The following LIMCH1 variants were observed in gnomAD, a reference collection of about 807,000 sequenced individuals.
LIMCH1 encodes the protein LIM and calponin homology domains-containing protein 1.
Under a neutral mutation model 176.5 loss-of-function variants are expected in LIMCH1, and 113 were observed. That is an observed-to-expected ratio of 0.64 (90% CI 0.55 to 0.75). The LOEUF is 0.75. Among genes scored for constraint, LIMCH1 ranks in the 30% least tolerant of loss-of-function variants. LIMCH1 has a pLI of 0.00. For synonymous variants in LIMCH1, 619 were observed against 645.9 expected (o/e 0.96, Z 0.63); for missense variants, 1,674 against 1,814.9 (o/e 0.92, Z 1.41).
chr4:41,374,365 C>G (rs1025715991), intron 1 of LIMCH1, among the ~76,000 whole-genome samples: 5 of 152,110 alleles, frequency 3.3e-5, no homozygotes, highest in African/African-American at 1.2e-4. Context: ...AAGAGTGCTC[C>G]AGGCATCTCC....
At chr4:41,510,540 C>T (rs983185570) in intron 2 of LIMCH1, among the ~76,000 whole-genome samples, 2 of 152,076 alleles carry the variant, frequency 1.3e-5, no homozygotes, top group Admixed American at 6.5e-5. Context: ...TTTGGTTACT[C>T]GAAGGAGTGG....
At chr4:41,505,325 T>G (rs912367866) in intron 2 of LIMCH1, among the ~76,000 whole-genome samples, 7 of 152,172 alleles carry the variant, frequency 4.6e-5, no homozygotes, top group Admixed American at 3.9e-4. Flanking sequence ...TGCAACTCTG[T>G]GTCACTGTGC....
At chr4:41,623,523 C>T (rs984898738) in intron 7 of LIMCH1, among the ~76,000 whole-genome samples, 14 of 152,216 alleles carry the variant, frequency 9.2e-5, no homozygotes, top group Middle Eastern at 3.4e-3. Context: ...TTTGGCAGGC[C>T]GAGGCGGGCG....
chr4:41,401,529 T>C (rs367743947), intron 1 of LIMCH1, among the ~76,000 whole-genome samples: 7 of 152,152 alleles, frequency 4.6e-5, no homozygotes, highest in South Asian at 4.2e-4. Flanking sequence ...TTTTTTGGTT[T>C]CATATGAACT....
At position 41,620,408 on chromosome 4, in the gene LIMCH1, T is replaced by C; in HGVS notation, c.459-16T>C. ...CAGTCTGTTAGTTTGGTAAACCATATTGTCCAACTCACTAGCTTTCCTGAA... is the reference window on the plus strand; with the variant it reads ...CAGTCTGTTAGTTTGGTAAACCATACTGTCCAACTCACTAGCTTTCCTGAA... On this transcript the variant is annotated splice_polypyrimidine_tract_variant and intron_variant, in intron 6 of 31. Coordinates refer to ENST00000503057, the MANE Select transcript of LIMCH1 (RefSeq NM_001330672.2). The C allele has an allele frequency of 6.5e-7, 1 of 1,533,646 alleles. No homozygotes were observed. The highest frequency in any genetic ancestry group is 8.7e-7 in the Non-Finnish European group (1 of 1,145,616).
At chr4:41,591,929 G>A (rs1414812465) in intron 1 of LIMCH1, among the ~76,000 whole-genome samples, 1 of 152,234 alleles carries the variant, frequency 6.6e-6, no homozygotes, top group Non-Finnish European at 1.5e-5. Flanking sequence ...AAAGCTGCTT[G>A]CTCTGTGCAG....
chr4:41,611,121 A>G (rs1263502757), intron 4 of LIMCH1, among the ~76,000 whole-genome samples: 4 of 152,216 alleles, frequency 2.6e-5, no homozygotes, highest in Admixed American at 2.6e-4. Context: ...TGGAGACTCA[A>G]TCTGTAGCAC....
chr4:41,627,509 C>T (rs1187195240), intron 8 of LIMCH1, among the ~76,000 whole-genome samples: 3 of 152,208 alleles, frequency 2.0e-5, no homozygotes, highest in African/African-American at 4.8e-5. Flanking sequence ...TCTTCTGTCA[C>T]ACCAGCAACA....
At chr4:41,378,567 A>G (rs2055135247) in intron 1 of LIMCH1, among the ~76,000 whole-genome samples, 1 of 152,184 alleles carries the variant, frequency 6.6e-6, no homozygotes, top group Non-Finnish European at 1.5e-5. Context: ...AAGGGATGTG[A>G]TTATATTTTG....
chr4:41,642,589 C>T (rs917993008), intron 14 of LIMCH1, among the ~76,000 whole-genome samples: 14 of 151,792 alleles, frequency 9.2e-5, no homozygotes, highest in African/African-American at 3.1e-4. Context: ...GATAGAGTCT[C>T]GCTCTGTCAC....
chr4:41,646,552 A>G lies in LIMCH1; in HGVS notation c.2479A>G (p.Ile827Val). The G allele has an allele frequency of 6.2e-7, 1 of 1,614,176 alleles. No homozygotes were observed. Among genetic ancestry groups the G allele is most frequent in the Non-Finnish European group, 8.5e-7 (1 of 1,180,018 alleles). The change falls in exon 17 of 32, where the codon ATC (isoleucine) becomes GTC (valine). Residue 827 changes from isoleucine to valine, a missense_variant. Ile to Val is a conservative substitution (Grantham distance 29, BLOSUM62 3). Transcript: ENST00000503057. ...TCGGTCCCAGGAGGAGGCAGAGGGGATCCTTCAACAGTACATTGAGAGGTT... is the reference window on the plus strand; with the variant it reads ...TCGGTCCCAGGAGGAGGCAGAGGGGGTCCTTCAACAGTACATTGAGAGGTT... ...NARSQEEAEG[I>V]LQQYIERFTI...
intron 1 of LIMCH1, among the ~76,000 whole-genome samples, chr4:41,453,125 C>T (rs556704120): frequency 1.3e-5 from 2 of 152,178 alleles, no homozygotes; most frequent in Non-Finnish European, 2.9e-5. Context: ...CTGCAGCAAA[C>T]AAGAGGACTT....
At chr4:41,696,559 A>G (rs1730807641) in intron 31 of LIMCH1, among the ~76,000 whole-genome samples, 1 of 152,196 alleles carries the variant, frequency 6.6e-6, no homozygotes, top group Non-Finnish European at 1.5e-5. Context: ...TACATTTTTT[A>G]AGTCTGTGTA....
At chr4:41,426,702 G>A (rs921551794) in intron 1 of LIMCH1, among the ~76,000 whole-genome samples, 4 of 152,128 alleles carry the variant, frequency 2.6e-5, no homozygotes, top group Non-Finnish European at 5.9e-5. Flanking sequence ...GAGTTGGCAC[G>A]GAAACATTAT....
chr4:41,525,140 C>T (rs1280963807), intron 3 of LIMCH1, among the ~76,000 whole-genome samples: 3 of 152,146 alleles, frequency 2.0e-5, no homozygotes, highest in Non-Finnish European at 2.9e-5. Flanking sequence ...ATTGCTTCAT[C>T]GATGTTGCCT....
chr4:41,619,208 T>C lies in LIMCH1; in HGVS notation c.226T>C (p.Ser76Pro). The C allele has an allele frequency of 1.2e-6, 2 of 1,614,200 alleles. No homozygotes were observed. The highest frequency in any genetic ancestry group is 1.7e-6 in the Non-Finnish European group (2 of 1,180,030). Residue 76 changes from serine (S) to proline (P), a missense_variant, in exon 6 of 32, where the codon TCC becomes CCC. By Grantham distance (74) the Ser-to-Pro change is moderately conservative (BLOSUM62 -1). Coordinates refer to ENST00000503057, the MANE Select transcript of LIMCH1 (RefSeq NM_001330672.2). ...SSDGRGSDSE[S>P]DLPHRKLPDV... Reference sequence around the variant, plus strand: ...CCTAGGGAGAGGAAGCGACTCTGAATCCGACTTGCCTCATCGGAAGCTGCC... The same window carrying C: ...CCTAGGGAGAGGAAGCGACTCTGAACCCGACTTGCCTCATCGGAAGCTGCC...
At chr4:41,489,093 T>C (rs1366698990) in intron 1 of LIMCH1, among the ~76,000 whole-genome samples, 1 of 152,170 alleles carries the variant, frequency 6.6e-6, no homozygotes, top group Non-Finnish European at 1.5e-5. Flanking sequence ...CTTGTTATCC[T>C]TTTAGTATCT....
intron 29 of LIMCH1, among the ~76,000 whole-genome samples, chr4:41,689,194 T>TA (rs1723356722): frequency 6.6e-6 from 1 of 151,956 alleles, no homozygotes; most frequent in South Asian, 2.1e-4. Flanking sequence ...TTAGGACTTA[T>TA]AAAAAAAAGT....
chr4:41,402,125 T>G (rs1470573316), intron 1 of LIMCH1, among the ~76,000 whole-genome samples: 1 of 151,984 alleles, frequency 6.6e-6, no homozygotes, highest in Non-Finnish European at 1.5e-5. Flanking sequence ...TTCACAAATT[T>G]ACAAGAAAAA....
Sources: allele counts gnomAD v4.1 joint callset (sites outside exome capture counted in the v4.1 genomes callset), GRCh38; gene constraint gnomAD v4.1.1; transcripts MANE v1.5; gene names NCBI Gene and HGNC (gene_info 2026-07-23, HGNC 2026-07-21).